The following CNNM2 variants were observed in gnomAD, a reference collection of about 807,000 sequenced individuals.
CNNM2 encodes cyclin and CBS domain divalent metal cation transport mediator 2.
A neutral mutation model predicts 66.9 loss-of-function variants in CNNM2; 12 were observed. The ratio of observed to expected loss-of-function variants is 0.18; its 90% CI spans 0.11 to 0.29. CNNM2 has a LOEUF of 0.29. CNNM2 is among the 10% of genes least tolerant of loss of function. The pLI, the probability that CNNM2 is intolerant of heterozygous loss-of-function variation, is 1.00. For synonymous variants in CNNM2, 557 were observed against 501.8 expected, an observed-to-expected ratio of 1.11 and a Z score of -1.47; for missense variants, 705 against 1,167.7, an observed-to-expected ratio of 0.60 and a Z score of 5.77.
chr10:103,050,602 G>T (rs1392100444), intron 2 of CNNM2, among the ~76,000 whole-genome samples: 2 of 151,928 alleles, frequency 1.3e-5, no homozygotes, highest in South Asian at 4.2e-4. Flanking sequence ...ATACTTCCTT[G>T]TTCCAGAACC....
In CNNM2 at chr10:102,945,682, C is replaced by A. The variant is rs17115253; in HGVS notation, c.1621+25581C>A. ...TTCTCCCTTCCCTTGTTGTTTTCTC[C>A]TAAGCATTACATGAGCTTAGCTAGT... On this transcript the variant is annotated intron_variant, in intron 1 of 7. Coordinates refer to ENST00000369878, the MANE Select transcript of CNNM2 (RefSeq NM_017649.5). Among the ~76,000 whole-genome samples the A allele has an allele frequency of 0.015, 2,249 of 152,158 alleles. 56 individuals carry two copies. Among genetic ancestry groups the A allele is most frequent in the African/African-American group, 0.051 (2,096 of 41,490 alleles).
chr10:103,033,229 C>T (rs1337997595), intron 1 of CNNM2, among the ~76,000 whole-genome samples: 1 of 151,912 alleles, frequency 6.6e-6, no homozygotes, highest in Non-Finnish European at 1.5e-5. Flanking sequence ...TGCTTTGTCA[C>T]ACAGGCTGGA....
rs1313782821 is a variant in CNNM2, at chr10:103,082,202, T to C, written c.*5022T>C. 1 of 152,256 alleles carries C rather than the reference T, an allele frequency of 6.6e-6. No individual in the cohort carries two copies. The highest frequency in any genetic ancestry group is 1.5e-5 in the Non-Finnish European group (1 of 68,052). The allele number at this position is 152,256 out of a possible 1,614,324, so 9.4% of individuals were successfully genotyped here. On this transcript the variant is annotated 3_prime_UTR_variant, in exon 8 of 8. Transcript: ENST00000369878. ...AAATGAGAAGAATGGGAGCATTGTC[T>C]TGCCTCGCTTGGAAGGACGCCTTCC...
intron 1 of CNNM2, among the ~76,000 whole-genome samples, chr10:102,998,698 G>T (rs1057017134): frequency 1.6e-4 from 24 of 152,140 alleles, no homozygotes; most frequent in African/African-American, 5.3e-4. Context: ...TTAGGTTTAG[G>T]CCGGCAGGGT....
chr10:102,926,018 T>G (rs1845846897), intron 1 of CNNM2, among the ~76,000 whole-genome samples: 1 of 152,250 alleles, frequency 6.6e-6, no homozygotes. Context: ...TTATTTCTTC[T>G]GTGAGAGTAA....
chr10:102,974,578 AT>A lies in CNNM2; in HGVS notation c.1621+54488del, dbSNP rs895812130. Among the ~76,000 whole-genome samples, 162 of 148,100 alleles carry A rather than the reference AT, an allele frequency of 1.1e-3. No homozygotes were observed. Among genetic ancestry groups the A allele is most frequent in the East Asian group, 5.9e-4 (3 of 5,118 alleles). On this transcript the variant is annotated intron_variant, in intron 1 of 7. Transcript: ENST00000369878. ...ATTGGGGGAGATGATAATCCTATTT[AT>A]TTTTTTTTTTGAGACAGGGTCTTGC...
At chr10:102,968,604 A>T (rs1466930644) in intron 1 of CNNM2, among the ~76,000 whole-genome samples, 1 of 149,840 alleles carries the variant, frequency 6.7e-6, no homozygotes, top group Non-Finnish European at 1.5e-5. Context: ...CTGGGAGTGT[A>T]GTGCTTTTTT....
chr10:102,983,686 C>T (rs931805754), intron 1 of CNNM2, among the ~76,000 whole-genome samples: 1 of 151,992 alleles, frequency 6.6e-6, no homozygotes, highest in Non-Finnish European at 1.5e-5. Flanking sequence ...AGTGCTCCTC[C>T]TTCCTTGTCT....
intron 1 of CNNM2, among the ~76,000 whole-genome samples, chr10:103,041,036 T>C (rs2065031341): frequency 6.6e-6 from 1 of 152,120 alleles, no homozygotes; most frequent in Non-Finnish European, 1.5e-5. Context: ...AGGGACCTGC[T>C]ATCAACAAAG....
chr10:103,022,486 A>G (rs942324576), intron 1 of CNNM2, among the ~76,000 whole-genome samples: 3 of 152,124 alleles, frequency 2.0e-5, no homozygotes, highest in Non-Finnish European at 4.4e-5. Context: ...TAAAAAACTG[A>G]TTGTGCTTAT....
At chr10:102,982,786 T>C (rs951637007) in intron 1 of CNNM2, among the ~76,000 whole-genome samples, 28 of 152,254 alleles carry the variant, frequency 1.8e-4, no homozygotes, top group Admixed American at 1.6e-3. Context: ...TTCAGAGGAG[T>C]GGTTGAAGAA....
At position 103,039,708 on chromosome 10, in the gene CNNM2, GT is replaced by G. The variant is rs1203744749; in HGVS notation, c.1622-9997del. Among the ~76,000 whole-genome samples the G allele has an allele frequency of 2.0e-5, 3 of 152,174 alleles. No individual in the cohort carries two copies. The East Asian group carries it at 5.8e-4, about 29-fold the overall frequency. ...GGCTGTGGCAGGGCAGCCCCAGTGG[GT>G]TGTGTGTGTTAGGGCAGTGAGTGAG... is the stretch of plus-strand genomic sequence containing the variant. On this transcript the variant is annotated intron_variant, in intron 1 of 7. Coordinates refer to ENST00000369878, the MANE Select transcript of CNNM2 (RefSeq NM_017649.5).
chr10:103,021,083 A>G (rs1243979862), intron 1 of CNNM2, among the ~76,000 whole-genome samples: 3 of 152,226 alleles, frequency 2.0e-5, no homozygotes, highest in East Asian at 1.9e-4. Flanking sequence ...CAAGGAAACT[A>G]TGCAGAATAT....
chr10:102,961,274 A>G lies in CNNM2; in HGVS notation c.1621+41173A>G, dbSNP rs554429682. On this transcript the variant is annotated intron_variant, in intron 1 of 7. Transcript: ENST00000369878. ...CATCAAATAATGTAACCTAAACCAG[A>G]TAACACCATGCTCTGGTAATGTATC... is the stretch of plus-strand genomic sequence containing the variant. Among the ~76,000 whole-genome samples, 18 of 152,356 alleles carry G rather than the reference A, an allele frequency of 1.2e-4. 1 individual carries two copies. In the South Asian group the frequency reaches 2.7e-3, roughly 23 times the overall value.
Position 103,089,458 on chromosome 10 carries a change from A to T in CNNM2, c.*12278A>T, listed in dbSNP as rs2066139284. On this transcript the variant is annotated 3_prime_UTR_variant, in exon 8 of 8. Transcript: ENST00000369878. ...TTTTACCCTTATTTTCTTCTAATAC[A>T]GACTCCATTACAATTTTGGACCATC... 1 of 700,016 alleles carries T rather than the reference A, an allele frequency of 1.4e-6. No individual in the cohort carries two copies. The highest frequency in any genetic ancestry group is 4.4e-4 in the Middle Eastern group (1 of 2,268). The allele number at this position is 700,016 out of a possible 1,614,324, so 43.4% of individuals were successfully genotyped here. A position where few individuals can be genotyped will look rare whatever the true frequency, so the allele number is the denominator to read the frequency against.
chr10:102,927,808 G>A (rs1203999146), intron 1 of CNNM2, among the ~76,000 whole-genome samples: 1 of 152,112 alleles, frequency 6.6e-6, no homozygotes, highest in Non-Finnish European at 1.5e-5. Flanking sequence ...GAGGTTTGTG[G>A]TCTAGCTTAG....
At chr10:103,039,576 G>A (rs538802445) in intron 1 of CNNM2, among the ~76,000 whole-genome samples, 56 of 152,224 alleles carry the variant, frequency 3.7e-4, no homozygotes, top group African/African-American at 1.2e-3. Flanking sequence ...GGGTTTTGCC[G>A]GTGTTTAATT....
At position 102,956,410 on chromosome 10, in the gene CNNM2, G is replaced by A. The variant is rs1420425409; in HGVS notation, c.1621+36309G>A. The stretch of plus-strand genomic sequence containing the variant: ...GTTCAACTATTGTGGAAGACAGTGT[G>A]GTGATTCCTCAAGGATCTGTAACTA... On this transcript the variant is annotated intron_variant, in intron 1 of 7. Transcript: ENST00000369878. 2.0e-5 allele frequency among the ~76,000 whole-genome samples: 3 copies of A among 152,244 alleles called. No homozygotes were observed. In the East Asian group the frequency reaches 5.8e-4, roughly 29 times the overall value.
At chr10:103,014,892 T>A (rs1262553977) in intron 1 of CNNM2, among the ~76,000 whole-genome samples, 2 of 145,744 alleles carry the variant, frequency 1.4e-5, no homozygotes, top group Non-Finnish European at 1.5e-5. Context: ...ACCCTGTCTT[T>A]AAAAAAAAAA....
Sources: allele counts gnomAD v4.1 joint callset (sites outside exome capture counted in the v4.1 genomes callset), GRCh38; gene constraint gnomAD v4.1.1; transcripts MANE v1.5; gene names NCBI Gene and HGNC (gene_info 2026-07-23, HGNC 2026-07-21).